Variants in MARCHF1 observed in about 807,000 individuals in gnomAD.
The protein encoded by MARCHF1 is membrane associated ring-CH-type finger 1, also known as E3 ubiquitin-protein ligase MARCHF1.
A neutral mutation model predicts 54.2 loss-of-function variants in MARCHF1; 40 were observed. That is an observed-to-expected ratio of 0.74 (90% confidence interval 0.57 to 0.96). The LOEUF (loss-of-function observed/expected upper bound fraction) is 0.96. MARCHF1 is among the 40% of genes least tolerant of loss of function. The pLI is 0.00. For missense variants in MARCHF1, 586 were observed against 656.5 expected (o/e 0.89, Z 1.17); for synonymous variants, 236 against 236.3 (o/e 1.00, Z 0.01).
chr4:164,100,960 A>G (rs1048813522), intron 2 of MARCHF1, among the ~76,000 whole-genome samples: 7 of 152,354 alleles, frequency 4.6e-5, no homozygotes, highest in African/African-American at 1.2e-4. Flanking sequence ...GAAGCGCAAG[A>G]GGTCAGGGAT....
chr4:164,021,164 A>C (rs935918473), intron 2 of MARCHF1, among the ~76,000 whole-genome samples: 1 of 151,418 alleles, frequency 6.6e-6, no homozygotes, highest in African/African-American at 2.4e-5. Flanking sequence ...GGGAAGCAAA[A>C]GCCAGGTAAA....
chr4:163,524,618 A>G (rs1417172468), downstream of MARCHF1: 1 of 152,164 alleles, frequency 6.6e-6, no homozygotes, highest in African/African-American at 2.4e-5. Context: ...TAAAATAATT[A>G]TATGTTCAGA....
chr4:163,786,853 G>A (rs944694856), intron 4 of MARCHF1, among the ~76,000 whole-genome samples: 2 of 151,884 alleles, frequency 1.3e-5, no homozygotes, highest in Admixed American at 1.3e-4. Flanking sequence ...AAATCACCAG[G>A]AATCCATACA....
chr4:164,050,385 T>C (rs1754339049), intron 2 of MARCHF1, among the ~76,000 whole-genome samples: 1 of 145,084 alleles, frequency 6.9e-6, no homozygotes, highest in Non-Finnish European at 1.5e-5. Flanking sequence ...ATAGCACATA[T>C]CAAAGACCTC....
At chr4:163,565,167 A>G in intron 8 of MARCHF1, among the ~76,000 whole-genome samples, 1 of 152,236 alleles carries the variant, frequency 6.6e-6, no homozygotes, top group East Asian at 1.9e-4. Flanking sequence ...AACTGCCTGT[A>G]GTAAACAGCC....
intron 1 of MARCHF1, among the ~76,000 whole-genome samples, chr4:164,376,244 A>T (rs1406323123): frequency 1.3e-5 from 2 of 152,188 alleles, no homozygotes; most frequent in African/African-American, 4.8e-5. Flanking sequence ...TTACTAGAAA[A>T]ATTATTTAAA....
intron 2 of MARCHF1, among the ~76,000 whole-genome samples, chr4:164,008,918 G>GA (rs1170950978): frequency 1.8e-4 from 27 of 149,884 alleles, no homozygotes; most frequent in East Asian, 7.8e-4. Flanking sequence ...GCACCTCAAG[G>GA]AATAAAAAAC....
chr4:164,022,655 C>G (rs1433210561), intron 2 of MARCHF1, among the ~76,000 whole-genome samples: 2 of 152,204 alleles, frequency 1.3e-5, no homozygotes, highest in African/African-American at 4.8e-5. Context: ...GTGAGAAGCC[C>G]AGAAGCTTTT....
chr4:164,159,790 G>C (rs1347647696), intron 1 of MARCHF1, among the ~76,000 whole-genome samples: 4 of 152,188 alleles, frequency 2.6e-5, no homozygotes, highest in Non-Finnish European at 5.9e-5. Context: ...ATAGTGGAAA[G>C]AGAAATGAAT....
intron 2 of MARCHF1, among the ~76,000 whole-genome samples, chr4:163,996,563 G>C (rs1033692943): frequency 6.6e-6 from 1 of 151,954 alleles, no homozygotes; most frequent in Non-Finnish European, 1.5e-5. Flanking sequence ...TTCATTAGTT[G>C]TTTATAGATA....
rs146852185 is a variant in MARCHF1 at position 163,775,682 on chromosome 4, G to A, written c.112-74819C>T. On this transcript the variant is annotated intron_variant, in intron 4 of 9. Transcript: ENST00000514618. ...CCTGATTTTAAGATAATAAGAAGGC[G>A]GCTAGGAGTAGGACAAATATTAGGA... is the stretch of plus-strand genomic sequence containing the variant. 3.1e-3 allele frequency among the ~76,000 whole-genome samples: 475 copies of A among 152,158 alleles called. 4 individuals carry two copies. The highest frequency in any genetic ancestry group is 0.011 in the African/African-American group (447 of 41,516).
At position 164,061,543 on chromosome 4, in the gene MARCHF1, A is replaced by G. The variant is rs1440587469; in HGVS notation, c.-248+50045T>C. Among the ~76,000 whole-genome samples, 9 of 79,126 alleles carry G rather than the reference A, an allele frequency of 1.1e-4. No individual in the cohort carries two copies. The East Asian group carries it at 1.7e-3, about 15-fold the overall frequency. 51.9% of individuals were successfully genotyped at this position (79,126 alleles called of 152,430 possible). On this transcript the variant is annotated intron_variant, in intron 2 of 9. Transcript: ENST00000514618. ...CTGGGGACTGTTGTGGGGTGGGGGG[A>G]GGGGGGAGGGATAGCATTAGGAGAT... is the stretch of plus-strand genomic sequence containing the variant.
intron 2 of MARCHF1, among the ~76,000 whole-genome samples, chr4:164,081,163 G>C (rs768735933): frequency 9.7e-5 from 11 of 113,026 alleles, no homozygotes; most frequent in African/African-American, 3.6e-4. Context: ...AGCCGAGATC[G>C]CGCCACTGCA....
At chr4:164,247,856 C>G (rs996003851) in intron 1 of MARCHF1, among the ~76,000 whole-genome samples, 2 of 149,184 alleles carry the variant, frequency 1.3e-5, no homozygotes. Context: ...TATCATCTGC[C>G]AGTCCAAATT....
intron 5 of MARCHF1, among the ~76,000 whole-genome samples, chr4:163,666,324 A>C (rs890138026): frequency 6.6e-6 from 1 of 152,150 alleles, no homozygotes; most frequent in Non-Finnish European, 1.5e-5. Context: ...GGTGATTCTG[A>C]AACTGATTTT....
intron 4 of MARCHF1, among the ~76,000 whole-genome samples, chr4:163,745,623 A>C (rs1013940457): frequency 6.6e-6 from 1 of 152,150 alleles, no homozygotes; most frequent in African/African-American, 2.4e-5. Context: ...TTACCCTCAA[A>C]CAATAAAACA....
At chr4:163,815,039 C>A (rs1054906438) in intron 4 of MARCHF1, among the ~76,000 whole-genome samples, 3 of 151,982 alleles carry the variant, frequency 2.0e-5, no homozygotes, top group African/African-American at 7.3e-5. Flanking sequence ...AAGAAATATA[C>A]CTGGTTTGTT....
rs1163415365 is a variant in MARCHF1, at chr4:163,817,872, A to C, written c.111+36149T>G. Among the ~76,000 whole-genome samples the C allele has an allele frequency of 2.0e-5, 3 of 149,012 alleles. No individual in the cohort carries two copies. In the Admixed American group the frequency reaches 2.0e-4, roughly 10 times the overall value. On this transcript the variant is annotated intron_variant, in intron 4 of 9. Coordinates refer to ENST00000514618, the MANE Select transcript of MARCHF1 (RefSeq NM_001394959.1). ...AAACTATCGCAAGGACAAAAAACCAAACACCGCATGTTCTCACTCATAGAT... is the reference window on the plus strand; with the variant it reads ...AAACTATCGCAAGGACAAAAAACCACACACCGCATGTTCTCACTCATAGAT...
intron 3 of MARCHF1, among the ~76,000 whole-genome samples, chr4:163,939,728 G>A (rs1214432862): frequency 3.9e-5 from 6 of 152,106 alleles, no homozygotes; most frequent in Admixed American, 3.9e-4. Flanking sequence ...ATTGAAAGAT[G>A]GCCTTTTGAC....
Sources: gnomAD v4.1 joint callset for allele counts (sites outside exome capture counted in the v4.1 genomes callset) on GRCh38, gnomAD v4.1.1 for gene constraint, MANE v1.5 for transcripts, NCBI Gene and HGNC (gene_info 2026-07-23, HGNC 2026-07-21) for gene names.